Variants in CARMIL1 observed in about 807,000 individuals in gnomAD.
CARMIL1 encodes the protein capping protein regulator and myosin 1 linker 1, also known as F-actin-uncapping protein LRRC16A.
CARMIL1 carries 90 observed loss-of-function variants against 177.1 expected under a neutral mutation model. That is an observed-to-expected ratio of 0.51 (90% confidence interval 0.43 to 0.61). CARMIL1 has a LOEUF of 0.61. Ranked by LOEUF, CARMIL1 falls within the 20% of genes least tolerant of loss-of-function variation. The pLI is 0.00. For missense variants in CARMIL1, 1,380 were observed against 1,667.0 expected (o/e 0.83, Z 3.00); for synonymous variants, 577 against 606.2 (o/e 0.95, Z 0.71).
intron 33 of CARMIL1, among the ~76,000 whole-genome samples, chr6:25,603,080 T>C (rs1815595294): frequency 6.6e-6 from 1 of 152,220 alleles, no homozygotes; most frequent in Non-Finnish European, 1.5e-5. Context: ...AGAGAACAAC[T>C]CCCAGGATTG....
At chr6:25,346,451 A>G (rs1379926742) in intron 2 of CARMIL1, among the ~76,000 whole-genome samples, 3 of 152,128 alleles carry the variant, frequency 2.0e-5, no homozygotes, top group Non-Finnish European at 4.4e-5. Flanking sequence ...TCACTTTTTC[A>G]GTGAGGACTT....
chr6:25,290,731 T>C (rs1463872750), intron 2 of CARMIL1, among the ~76,000 whole-genome samples: 4 of 152,194 alleles, frequency 2.6e-5, no homozygotes, highest in African/African-American at 9.6e-5. Context: ...CTATTCTCTT[T>C]AAAACTGCCC....
intron 2 of CARMIL1, among the ~76,000 whole-genome samples, chr6:25,410,455 G>T (rs1011530151): frequency 6.6e-6 from 1 of 152,180 alleles, no homozygotes. Context: ...GGTATGGGAG[G>T]CTGAGTTACC....
intron 2 of CARMIL1, among the ~76,000 whole-genome samples, chr6:25,401,097 G>A (rs1166802413): frequency 6.6e-6 from 1 of 151,928 alleles, no homozygotes; most frequent in East Asian, 1.9e-4. Context: ...AATATATTTA[G>A]TATATTTATG....
At chr6:25,336,623 C>T (rs1038544873) in intron 2 of CARMIL1, among the ~76,000 whole-genome samples, 1 of 152,162 alleles carries the variant, frequency 6.6e-6, no homozygotes, top group Non-Finnish European at 1.5e-5. Flanking sequence ...TACGAACATC[C>T]TGTTGCTCAC....
Position 25,581,278 on chromosome 6 carries a change from G to A in CARMIL1, c.2845G>A (p.Val949Ile). ...TGATCTAGATAAAGCGCTGGAAGAG[G>A]TACCAATTCACATCGAAGACCCGCC... The part of the protein sequence containing the change: ...EFDLDKALEE[V>I]PIHIEDPPFP... Residue 949 changes from valine to isoleucine, a missense_variant, in exon 31 of 37, where the codon GTA (valine) becomes ATA (isoleucine). By Grantham distance (29) the Val-to-Ile change is conservative. Coordinates refer to ENST00000329474, the MANE Select transcript of CARMIL1 (RefSeq NM_017640.6). 1 of 1,613,860 alleles carries A rather than the reference G, an allele frequency of 6.2e-7. No individual in the cohort carries two copies. Among genetic ancestry groups the A allele is most frequent in the Non-Finnish European group, 8.5e-7 (1 of 1,179,870 alleles).
chr6:25,556,952 A>T, intron 29 of CARMIL1, 102 bp downstream of exon 29: 1 of 1,181,056 alleles, frequency 8.5e-7, no homozygotes. Flanking sequence ...AGACCAAACA[A>T]AACACTGTCC....
chr6:25,300,524 T>C (rs374111163), intron 2 of CARMIL1, among the ~76,000 whole-genome samples: 4,254 of 152,120 alleles, frequency 0.028, 72 homozygotes, highest in Non-Finnish European at 0.038. Flanking sequence ...AGGCACACAC[T>C]TGTAATCCCA....
intron 2 of CARMIL1, among the ~76,000 whole-genome samples, chr6:25,390,564 T>A (rs1792703337): frequency 6.6e-6 from 1 of 151,834 alleles, no homozygotes; most frequent in Admixed American, 6.6e-5. Context: ...TCAAGCAATC[T>A]GCCTGCCTCA....
chr6:25,291,812 T>C (rs1781993739), intron 2 of CARMIL1, among the ~76,000 whole-genome samples: 4 of 152,214 alleles, frequency 2.6e-5, no homozygotes, highest in Middle Eastern at 3.2e-3. Flanking sequence ...TTTGCTCTGG[T>C]TGCATGGAAT....
intron 24 of CARMIL1, among the ~76,000 whole-genome samples, chr6:25,537,469 A>C (rs578119893): frequency 1.1e-3 from 168 of 152,252 alleles, no homozygotes; most frequent in African/African-American, 3.8e-3. Context: ...ACCTAACTCT[A>C]TGTCTAACAC....
At position 25,450,691 on chromosome 6, in the gene CARMIL1, T is replaced by C. The variant is rs375049513; in HGVS notation, c.594T>C (p.Asp198=). 6.2e-6 allele frequency: 10 copies of C among 1,605,574 alleles called. No individual in the cohort carries two copies. In the African/African-American group the frequency reaches 1.3e-4, roughly 22 times the overall value. ...TQDTRELNLQ[D]FSHLDHRDLI... ...ACACCAGGGAATTGAATTTACAAGA[T>C]TTTAGTCATCTTGACCACAGGTAAG... The change falls in exon 8 of 37, where the codon GAT becomes GAC. Residue 198 remains aspartate (D), a synonymous_variant. Coordinates refer to ENST00000329474, the MANE Select transcript of CARMIL1 (RefSeq NM_017640.6).
intron 2 of CARMIL1, 72 bp from the exon 3 acceptor site, chr6:25,420,042 C>G: frequency 8.7e-7 from 1 of 1,150,678 alleles, no homozygotes; most frequent in Non-Finnish European, 1.3e-6. Flanking sequence ...CATTAAAGTC[C>G]CGTGGAAACA....
At chr6:25,441,089 A>T (rs150114949) in intron 5 of CARMIL1, among the ~76,000 whole-genome samples, 1 of 152,226 alleles carries the variant, frequency 6.6e-6, no homozygotes. Context: ...AACATCCATC[A>T]TTCAAATCAA....
intron 31 of CARMIL1, among the ~76,000 whole-genome samples, chr6:25,584,354 G>T (rs1336466942): frequency 6.8e-6 from 1 of 147,618 alleles, no homozygotes; most frequent in African/African-American, 2.5e-5. Context: ...TTCCTTAAAT[G>T]TTTGAAAAAT....
chr6:25,513,174 G>C (rs115951099), intron 20 of CARMIL1, among the ~76,000 whole-genome samples: 2 of 152,084 alleles, frequency 1.3e-5, no homozygotes, highest in Non-Finnish European at 2.9e-5. Flanking sequence ...TATCATTTTC[G>C]TAGTAATTGA....
At chr6:25,465,042 A>G (rs946822761) in intron 8 of CARMIL1, among the ~76,000 whole-genome samples, 2 of 136,342 alleles carry the variant, frequency 1.5e-5, no homozygotes, top group Non-Finnish European at 3.1e-5. Flanking sequence ...GGGCTATCTT[A>G]TGGATGCAGT....
intron 2 of CARMIL1, among the ~76,000 whole-genome samples, chr6:25,397,540 C>T (rs545664272): frequency 6.6e-6 from 1 of 152,286 alleles, no homozygotes; most frequent in South Asian, 2.1e-4. Context: ...AGCTGCCAAA[C>T]AAAGGGTGTT....
intron 32 of CARMIL1, among the ~76,000 whole-genome samples, chr6:25,600,003 A>ATG (rs552105420): frequency 4.4e-4 from 67 of 151,936 alleles, no homozygotes; most frequent in African/African-American, 1.6e-3. Flanking sequence ...GCAAGTGGTT[A>ATG]TATATATATA....
Sources: allele counts gnomAD v4.1 joint callset (sites outside exome capture counted in the v4.1 genomes callset), GRCh38; gene constraint gnomAD v4.1.1; transcripts MANE v1.5; gene names NCBI Gene and HGNC (gene_info 2026-07-23, HGNC 2026-07-21).